Variants in NME8 observed in about 807,000 individuals in gnomAD.
The protein encoded by NME8 is protein NME8.
A neutral mutation model predicts 82.3 loss-of-function variants in NME8; 72 were observed. That is an observed-to-expected ratio of 0.87 (90% CI 0.72 to 1.06). The LOEUF is 1.06. Among genes scored for constraint, NME8 ranks in the 50% least tolerant of loss-of-function variants. The pLI is 0.00. For synonymous variants in NME8, 267 were observed against 228.5 expected (o/e 1.17, Z -1.52); for missense variants, 712 against 685.4 (o/e 1.04, Z -0.43).
At chr7:37,863,870 A>G (rs1054138881) in intron 8 of NME8, among the ~76,000 whole-genome samples, 4 of 152,192 alleles carry the variant, frequency 2.6e-5, no homozygotes, top group Admixed American at 1.3e-4. Flanking sequence ...AGTGGGGTGT[A>G]TGTGTTCATA....
intron 12 of NME8, among the ~76,000 whole-genome samples, chr7:37,882,600 AGAGAGAGAGAGAGAG>A (rs1289070282): frequency 2.5e-5 from 2 of 79,952 alleles, no homozygotes; most frequent in African/African-American, 4.2e-5. Flanking sequence ...AGAAAGAAAG[AGAGAGAGAGAGAGAG>A]AAAGAAAGAA....
intron 14 of NME8, among the ~76,000 whole-genome samples, chr7:37,885,537 C>G (rs1472351199): frequency 3.3e-5 from 5 of 152,064 alleles, no homozygotes; most frequent in Non-Finnish European, 5.9e-5. Context: ...AAATATCCAC[C>G]CTACCCGCTA....
chr7:37,875,690 C>A (rs946316649), intron 11 of NME8, among the ~76,000 whole-genome samples: 1 of 150,806 alleles, frequency 6.6e-6, no homozygotes, highest in African/African-American at 2.4e-5. Flanking sequence ...AGTATTAACA[C>A]TGATCATTAA....
intron 16 of NME8, among the ~76,000 whole-genome samples, chr7:37,895,877 T>C (rs1316252181): frequency 1.3e-5 from 2 of 152,204 alleles, no homozygotes; most frequent in Non-Finnish European, 2.9e-5. Context: ...CCAGGAGCCA[T>C]AGGCTGAACC....
chr7:37,862,540 G>A (rs1784612409), intron 7 of NME8, among the ~76,000 whole-genome samples: 1 of 151,670 alleles, frequency 6.6e-6, no homozygotes, highest in African/African-American at 2.4e-5. Context: ...TAAGTATATA[G>A]CAATTATTTA....
chr7:37,891,423 A>T (rs1785127671), intron 15 of NME8, among the ~76,000 whole-genome samples: 1 of 151,780 alleles, frequency 6.6e-6, no homozygotes, highest in South Asian at 2.1e-4. Context: ...ACAGGAAAAA[A>T]ATTTAGTAGA....
Position 37,894,537 on chromosome 7 carries a change from G to T in NME8, c.1471G>T (p.Glu491Ter), listed in dbSNP as rs867028149. The stretch of plus-strand genomic sequence containing the variant: ...GGTGAAGAAAATGTTCCTAACTCCT[G>T]AGCAAATAGAGAAAATTTATCCAAA... ...TQVKKMFLTPEQIEKIYPKVT... is the reference protein window; with the variant it reads ...TQVKKMFLTP The change falls in exon 16 of 18, where the codon GAG (glutamate) becomes TAG (stop). Residue 491 changes from glutamate (E) to a stop codon, truncating the protein, a stop_gained. Transcript: ENST00000199447. LOFTEE classifies it high-confidence loss of function. 1.2e-6 allele frequency: 2 copies of T among 1,611,088 alleles called. No homozygotes were observed. Among genetic ancestry groups the T allele is most frequent in the Non-Finnish European group, 1.7e-6 (2 of 1,177,546 alleles).
At chr7:37,898,217 T>A (rs566378890) in intron 17 of NME8, among the ~76,000 whole-genome samples, 3 of 152,224 alleles carry the variant, frequency 2.0e-5, no homozygotes, top group Non-Finnish European at 4.4e-5. Context: ...GTGTACAGTG[T>A]ACAATGATTG....
chr7:37,865,490 C>A (rs750575924), intron 9 of NME8, 35 bp from the exon 10 acceptor site: 2 of 1,433,190 alleles, frequency 1.4e-6, no homozygotes, highest in Non-Finnish European at 2.0e-6. Context: ...TGTGATCCCA[C>A]GACACCTGGA....
intron 7 of NME8, 126 bp downstream of exon 7, chr7:37,862,270 A>G (rs1784607995): frequency 1.3e-5 from 9 of 715,514 alleles, no homozygotes; most frequent in African/African-American, 3.5e-5. Flanking sequence ...TAATTTTAAA[A>G]AAGTACATTA....
At chr7:37,888,609 A>G (rs568187523) in intron 15 of NME8, among the ~76,000 whole-genome samples, 181 bp downstream of exon 15, 15 of 151,172 alleles carry the variant, frequency 9.9e-5, no homozygotes, top group African/African-American at 3.1e-4. Flanking sequence ...TTGTCTTGCT[A>G]TCTCTCTCAC....
At chr7:37,870,245 T>TAAAAA (rs34913943) in intron 11 of NME8, among the ~76,000 whole-genome samples, 2 of 145,218 alleles carry the variant, frequency 1.4e-5, no homozygotes, top group African/African-American at 5.1e-5. Context: ...CTGATGAACT[T>TAAAAA]AAAAAAAAAA....
At chr7:37,899,465 G>A (rs946865557) in intron 17 of NME8, among the ~76,000 whole-genome samples, 2 of 151,978 alleles carry the variant, frequency 1.3e-5, no homozygotes, top group Non-Finnish European at 2.9e-5. Context: ...CTTATAAGTG[G>A]GAGCTGAATG....
rs138311368 is a variant in NME8, at chr7:37,850,663, C to T, written c.126C>T (p.Cys42=). ...IDVYQAWCGP[C]RAMQPLFRKL... ...TTTACCAAGCCTGGTGTGGACCTTG[C>T]AGAGCAATGCAACCTTTATTCAGAA... is the stretch of plus-strand genomic sequence containing the variant. Residue 42 remains cysteine (C), a synonymous_variant, in exon 5 of 18, where the codon TGC becomes TGT. Coordinates refer to ENST00000199447, the MANE Select transcript of NME8 (RefSeq NM_016616.5). 3.4e-4 allele frequency: 549 copies of T among 1,613,006 alleles called. 1 individual carries two copies. In the African/African-American group the frequency reaches 6.6e-3, roughly 19 times the overall value.
intron 17 of NME8, 70 bp downstream of exon 17, chr7:37,897,177 TC>T: frequency 7.2e-6 from 7 of 966,718 alleles, no homozygotes; most frequent in Admixed American, 2.1e-5. Context: ...GACAAACCTG[TC>T]CTAAAAAGAG....
In NME8 at chr7:37,891,959, T is replaced by A. The variant is rs570258540; in HGVS notation, c.1400-2507T>A. On this transcript the variant is annotated intron_variant, in intron 15 of 17. Transcript: ENST00000199447. The stretch of plus-strand genomic sequence containing the variant: ...TCCTATTTTTTGAACTTGTGTTAAA[T>A]GTTAAATGTACTTTGTCAGAAAATA... Among the ~76,000 whole-genome samples the A allele has an allele frequency of 3.3e-5, 5 of 152,158 alleles. No individual in the cohort carries two copies. In the East Asian group the frequency reaches 7.7e-4, roughly 23 times the overall value.
intron 14 of NME8, among the ~76,000 whole-genome samples, 186 bp from the exon 15 acceptor site, chr7:37,888,091 C>T (rs1008534701): frequency 6.6e-6 from 1 of 152,144 alleles, no homozygotes; most frequent in African/African-American, 2.4e-5. Flanking sequence ...TCCTTTCTTC[C>T]TAATGACCGT....
chr7:37,890,633 A>C (rs1162246961), intron 15 of NME8, among the ~76,000 whole-genome samples: 1 of 151,858 alleles, frequency 6.6e-6, no homozygotes. Context: ...CTAGGAGATC[A>C]ACTTCTTTAG....
chr7:37,862,565 G>C (rs1168473752), intron 7 of NME8, among the ~76,000 whole-genome samples: 1 of 151,776 alleles, frequency 6.6e-6, no homozygotes, highest in East Asian at 1.9e-4. Flanking sequence ...AAATTTGTAA[G>C]AACATAAAAG....
Sources: gnomAD v4.1 joint callset for allele counts (sites outside exome capture counted in the v4.1 genomes callset) on GRCh38, gnomAD v4.1.1 for gene constraint, MANE v1.5 for transcripts, NCBI Gene and HGNC (gene_info 2026-07-23, HGNC 2026-07-21) for gene names.